The following MGME1 variants were observed in gnomAD, a reference collection of about 807,000 sequenced individuals.
MGME1 encodes chromosome 20 open reading frame 72.
A neutral mutation model predicts 33.0 loss-of-function variants in MGME1; 22 were observed. The ratio of observed to expected loss-of-function variants is 0.67; its 90% CI spans 0.48 to 0.95. MGME1 has a LOEUF of 0.95. MGME1 is among the 40% of genes least tolerant of loss of function. The pLI is 0.00. For missense variants in MGME1, 383 were observed against 397.8 expected (o/e 0.96, Z 0.32); for synonymous variants, 133 against 144.0 (o/e 0.92, Z 0.55).
rs2035677290 is a variant in MGME1 at position 17,970,004 on chromosome 20, C to G, written c.145C>G (p.Gln49Glu). Reference protein sequence around the residue: ...KKVNPYEEVDQEKYSNLVQSV... With the variant: ...KKVNPYEEVDEEKYSNLVQSV... ...AGTGAACCCATATGAAGAAGTGGAC[C>G]AAGAAAAATACTCTAATTTAGTTCA... The change falls in exon 2 of 5, where the codon CAA becomes GAA. Residue 49 changes from glutamine to glutamate, a missense_variant. Transcript: ENST00000377710. 1 of 1,613,958 alleles carries G rather than the reference C, an allele frequency of 6.2e-7. No homozygotes were observed. The highest frequency in any genetic ancestry group is 1.7e-5 in the Admixed American group (1 of 59,980).
intron 3 of MGME1, among the ~76,000 whole-genome samples, chr20:17,980,119 G>A (rs1324068593): frequency 1.3e-5 from 2 of 151,972 alleles, no homozygotes; most frequent in Admixed American, 6.6e-5. Context: ...TCTGCTTCCC[G>A]GGTTCAAGTG....
intron 3 of MGME1, among the ~76,000 whole-genome samples, chr20:17,987,200 G>T (rs186228279): frequency 0.01 from 1,553 of 149,296 alleles, 17 homozygotes; most frequent in Non-Finnish European, 0.018. Flanking sequence ...GAAGAACCAG[G>T]AATGGCATCC....
At position 17,970,979 on chromosome 20, in the gene MGME1, C is replaced by T. The variant is rs981812315; in HGVS notation, c.511+609C>T. Among the ~76,000 whole-genome samples the T allele has an allele frequency of 2.6e-5, 4 of 152,170 alleles. No individual in the cohort carries two copies. In the East Asian group the frequency reaches 7.7e-4, roughly 29 times the overall value. On this transcript the variant is annotated intron_variant, in intron 2 of 4. Transcript: ENST00000377710. ...TAATATTCCATTCAAAAACAAAGAC[C>T]ATTGGCACTGGTGAATTAGCTAGTC... is the stretch of plus-strand genomic sequence containing the variant.
chr20:17,974,061 G>GTTTTTTTTTTTTTTT (rs34206000), intron 2 of MGME1, among the ~76,000 whole-genome samples: 7 of 85,496 alleles, frequency 8.2e-5, no homozygotes, highest in Admixed American at 1.4e-4. Flanking sequence ...CTCTTTGTGT[G>GTTTTTTTTTTTTTTT]TTTTTTTTTT....
intron 2 of MGME1, among the ~76,000 whole-genome samples, chr20:17,975,128 A>G (rs1314976163): frequency 6.6e-6 from 1 of 152,186 alleles, no homozygotes; most frequent in African/African-American, 2.4e-5. Context: ...CTTTGGCCCA[A>G]TTCTCCTAGA....
At position 17,970,484 on chromosome 20, in the gene MGME1, C is replaced by T. The variant is rs990911494; in HGVS notation, c.511+114C>T. The T allele has an allele frequency of 7.8e-6, 8 of 1,020,354 alleles. No homozygotes were observed. The Admixed American group carries it at 1.0e-4, about 13-fold the overall frequency. The allele number at this position is 1,020,354 out of a possible 1,614,324, so 63.2% of individuals were successfully genotyped here. ...TTTTTAACTTACTAGCAAGGAACTC[C>T]CTTCAGATAGTAATTAACATTAAAT... On this transcript the variant is annotated intron_variant, in intron 2 of 4. Coordinates refer to ENST00000377710, the MANE Select transcript of MGME1 (RefSeq NM_052865.4).
At chr20:17,984,030 C>T (rs6136248) in intron 3 of MGME1, among the ~76,000 whole-genome samples, 41,987 of 151,910 alleles carry the variant, frequency 0.28, 6,083 homozygotes, top group East Asian at 0.44. Context: ...AGCTTTTCTC[C>T]TGTTTTTTTT....
intron 3 of MGME1, among the ~76,000 whole-genome samples, chr20:17,978,196 G>A (rs928682242): frequency 2.6e-5 from 4 of 151,984 alleles, no homozygotes; most frequent in African/African-American, 9.7e-5. Flanking sequence ...CCACCTAATG[G>A]TTTTATTTTT....
chr20:17,968,599 G>A (rs748881680), upstream of MGME1: 22 of 644,782 alleles, frequency 3.4e-5, no homozygotes, highest in Admixed American at 5.0e-4. Context: ...CAGCTGCCCC[G>A]GGAGCAGGCG....
chr20:17,975,851 C>G lies in MGME1; in HGVS notation c.679C>G (p.Gln227Glu), dbSNP rs779621861. Residue 227 changes from glutamine to glutamate, a missense_variant, in exon 3 of 5, where the codon CAA becomes GAA. By Grantham distance (29) the Gln-to-Glu change is conservative (BLOSUM62 2). Coordinates refer to ENST00000377710, the MANE Select transcript of MGME1 (RefSeq NM_052865.4). ...AGTGCGAGCTCTTGAAAGTGCTGTT[C>G]AACATGAAACCTTAAACTATATAGG... The part of the protein sequence containing the change: ...SGVRALESAV[Q>E]HETLNYIGLL... 62 of 1,613,982 alleles carry G rather than the reference C, an allele frequency of 3.8e-5. No homozygotes were observed. The highest frequency in any genetic ancestry group is 5.0e-5 in the Non-Finnish European group (59 of 1,180,028).
intron 4 of MGME1, among the ~76,000 whole-genome samples, chr20:17,988,533 T>A (rs916433244): frequency 6.6e-6 from 1 of 151,722 alleles, no homozygotes; most frequent in African/African-American, 2.4e-5. Flanking sequence ...TCCCAGCTAT[T>A]CTAGTAGCTG....
chr20:17,981,640 C>T (rs1358024044), intron 3 of MGME1, among the ~76,000 whole-genome samples: 1 of 145,934 alleles, frequency 6.9e-6, no homozygotes. Context: ...CTTGCCCAAT[C>T]TACTACTCGT....
rs907382264 is a variant in MGME1, at chr20:17,983,922, A to G, written c.732-4244A>G. 2.0e-5 allele frequency among the ~76,000 whole-genome samples: 3 copies of G among 152,052 alleles called. No individual in the cohort carries two copies. The East Asian group carries it at 5.8e-4, about 29-fold the overall frequency. ...TGTCTTCACTGTTGTTTCCTTTGTT[A>G]TGCAGAAGCTTTTTATTTGGATGTA... On this transcript the variant is annotated intron_variant, in intron 3 of 4. Coordinates refer to ENST00000377710, the MANE Select transcript of MGME1 (RefSeq NM_052865.4).
At chr20:17,976,387 G>C (rs1320013656) in intron 3 of MGME1, among the ~76,000 whole-genome samples, 1 of 152,174 alleles carries the variant, frequency 6.6e-6, no homozygotes, top group Non-Finnish European at 1.5e-5. Flanking sequence ...GTTTCCCAAA[G>C]TGCTGGGATT....
intron 2 of MGME1, among the ~76,000 whole-genome samples, chr20:17,972,224 A>AT (rs956800708): frequency 4.6e-5 from 7 of 152,308 alleles, no homozygotes; most frequent in East Asian, 1.9e-4. Flanking sequence ...AATTAAGAAG[A>AT]TTTTTTTAAT....
rs748032328 is a variant in MGME1, at chr20:17,988,249, T to C, written c.815T>C (p.Val272Ala). 6.2e-7 allele frequency: 1 copy of C among 1,614,152 alleles called. No individual in the cohort carries two copies. The highest frequency in any genetic ancestry group is 2.2e-5 in the East Asian group (1 of 44,888). The change falls in exon 4 of 5, where the codon GTT (valine) becomes GCT (alanine). Residue 272 changes from valine to alanine, a missense_variant. Transcript: ENST00000377710. ...AGTACATTTGACAACCCACTGCAAG[T>C]TGTGGCATACATGGGTGCCATGAAC... ...IQSTFDNPLQVVAYMGAMNHD... is the reference protein window; with the variant it reads ...IQSTFDNPLQAVAYMGAMNHD...
rs985682842 is a variant in MGME1, at chr20:17,979,554, C to T, written c.731+3651C>T. ...CCTCCCCAGCAGCTGGGACTACAGGCGCATGCCACCACGCCCGGCTAATTT... is the reference window on the plus strand; with the variant it reads ...CCTCCCCAGCAGCTGGGACTACAGGTGCATGCCACCACGCCCGGCTAATTT... On this transcript the variant is annotated intron_variant, in intron 3 of 4. Coordinates refer to ENST00000377710, the MANE Select transcript of MGME1 (RefSeq NM_052865.4). 2.7e-5 allele frequency among the ~76,000 whole-genome samples: 4 copies of T among 150,856 alleles called. No individual in the cohort carries two copies. In the South Asian group the frequency reaches 6.3e-4, roughly 24 times the overall value.
chr20:17,988,628 T>A (rs1600408213), intron 4 of MGME1, among the ~76,000 whole-genome samples: 1 of 123,874 alleles, frequency 8.1e-6, no homozygotes, highest in African/African-American at 3.2e-5. Flanking sequence ...GGCAAGAGAG[T>A]GAGACTCCAT....
chr20:17,975,507 A>G (rs1167381177), intron 2 of MGME1, among the ~76,000 whole-genome samples, 177 bp from the exon 3 acceptor site: 1 of 151,558 alleles, frequency 6.6e-6, no homozygotes, highest in Non-Finnish European at 1.5e-5. Flanking sequence ...CAGTGAGCCA[A>G]TATCGCCCAC....
Sources: allele counts gnomAD v4.1 joint callset (sites outside exome capture counted in the v4.1 genomes callset), GRCh38; gene constraint gnomAD v4.1.1; transcripts MANE v1.5; gene names NCBI Gene and HGNC (gene_info 2026-07-23, HGNC 2026-07-21).